The following COL25A1 variants were observed in gnomAD, a reference collection of about 807,000 sequenced individuals.
COL25A1 encodes the protein collagen alpha-1(XXV) chain.
In COL25A1, 103 loss-of-function variants were observed where a neutral mutation model predicts 128.4. That is an observed-to-expected ratio of 0.80 (90% CI 0.68 to 0.94). The LOEUF (loss-of-function observed/expected upper bound fraction) is 0.94, where lower values mean the gene tolerates loss of function less well. Among genes scored for constraint, COL25A1 ranks in the 40% least tolerant of loss-of-function variants. The pLI, the probability that COL25A1 is intolerant of heterozygous loss-of-function variation, is 0.00. For missense variants in COL25A1, 745 were observed against 840.0 expected (o/e 0.89, Z 1.40); for synonymous variants, 279 against 277.2 (o/e 1.01, Z -0.06).
intron 3 of COL25A1, among the ~76,000 whole-genome samples, chr4:109,188,932 A>G (rs893584643): frequency 2.0e-5 from 3 of 152,056 alleles, no homozygotes; most frequent in South Asian, 4.2e-4. Context: ...CGGTGGGGGT[A>G]GGGGGCAGGG....
intron 14 of COL25A1, among the ~76,000 whole-genome samples, chr4:108,900,571 CAAA>C (rs1398810303): frequency 8.5e-5 from 13 of 152,076 alleles, no homozygotes; most frequent in Non-Finnish European, 1.5e-5. Flanking sequence ...TTTTAAGAAA[CAAA>C]GAAGACTTGG....
chr4:108,955,590 C>G (rs1372235151), intron 8 of COL25A1, among the ~76,000 whole-genome samples: 3 of 151,856 alleles, frequency 2.0e-5, no homozygotes, highest in Admixed American at 2.0e-4. Flanking sequence ...AAAGTCAATC[C>G]AAGGATTAAC....
In COL25A1 at chr4:108,889,610, T is replaced by A. The variant is rs374092602; in HGVS notation, c.939+91A>T. 5.2e-4 allele frequency: 573 copies of A among 1,106,874 alleles called. 7 individuals are homozygous for A. In the South Asian group the frequency reaches 7.1e-3, roughly 14 times the overall value. 68.6% of individuals were successfully genotyped at this position (1,106,874 alleles called of 1,614,324 possible). A position where few individuals can be genotyped will look rare whatever the true frequency, so the allele number is the denominator to read the frequency against. The stretch of plus-strand genomic sequence containing the variant: ...GAGAATAAGAACAGAGTTATAACCA[T>A]CAAAGTTGCTAAAAAGGGAGAGAAA... On this transcript the variant is annotated intron_variant, in intron 17 of 37. Coordinates refer to ENST00000399132, the MANE Select transcript of COL25A1 (RefSeq NM_198721.4).
chr4:108,953,036 A>C (rs1435729988), intron 8 of COL25A1, among the ~76,000 whole-genome samples: 1 of 152,060 alleles, frequency 6.6e-6, no homozygotes, highest in Non-Finnish European at 1.5e-5. Flanking sequence ...TCATGGAAGA[A>C]GTAGATGCCT....
At chr4:109,029,943 A>G (rs1240482277) in intron 5 of COL25A1, among the ~76,000 whole-genome samples, 1 of 152,214 alleles carries the variant, frequency 6.6e-6, no homozygotes, top group African/African-American at 2.4e-5. Context: ...CAGGCACCTC[A>G]TAGATAAAGA....
intron 19 of COL25A1, among the ~76,000 whole-genome samples, chr4:108,873,722 A>C (rs948049217): frequency 6.6e-6 from 1 of 152,154 alleles, no homozygotes. Context: ...AAATTTTCTC[A>C]GTTGAATATG....
rs1742792722 is a variant in COL25A1, at chr4:108,901,108, T to C, written c.834+11A>G. On this transcript the variant is annotated intron_variant, in intron 14 of 37. Coordinates refer to ENST00000399132, the MANE Select transcript of COL25A1 (RefSeq NM_198721.4). ...TGTCAAATGATTCTGCTTGGCTTTATTTGTACTAACCTTAGGTCCTGGTAT... is the reference window on the plus strand; with the variant it reads ...TGTCAAATGATTCTGCTTGGCTTTACTTGTACTAACCTTAGGTCCTGGTAT... The C allele has an allele frequency of 6.2e-7, 1 of 1,605,524 alleles. No individual in the cohort carries two copies. Among genetic ancestry groups the C allele is most frequent in the South Asian group, 1.1e-5 (1 of 90,470 alleles).
intron 29 of COL25A1, 47 bp downstream of exon 29, chr4:108,845,142 T>C (rs1734934018): frequency 6.8e-7 from 1 of 1,471,468 alleles, no homozygotes. Context: ...CATGTCAGTG[T>C]GTGAGGAGGT....
At chr4:109,093,466 A>AACAAACAAAC (rs1560679565) in intron 3 of COL25A1, among the ~76,000 whole-genome samples, 2 of 150,956 alleles carry the variant, frequency 1.3e-5, no homozygotes, top group South Asian at 4.2e-4. Flanking sequence ...TGAAAAAAAA[A>AACAAACAAAC]AAAAAAAAAA....
intron 3 of COL25A1, among the ~76,000 whole-genome samples, chr4:109,277,106 G>C (rs1450806909): frequency 1.3e-5 from 2 of 152,128 alleles, no homozygotes; most frequent in Non-Finnish European, 2.9e-5. Flanking sequence ...GATTCAAATT[G>C]TGCATCATGT....
At chr4:109,156,345 AT>A (rs930994991) in intron 3 of COL25A1, among the ~76,000 whole-genome samples, 51 of 152,306 alleles carry the variant, frequency 3.3e-4, no homozygotes, top group African/African-American at 1.2e-3. Context: ...AGCCGGCTTG[AT>A]TTTTTTCCCC....
At position 108,852,832 on chromosome 4, in the gene COL25A1, C is replaced by T; in HGVS notation, c.1344+70G>A. On this transcript the variant is annotated intron_variant, in intron 25 of 37. Coordinates refer to ENST00000399132, the MANE Select transcript of COL25A1 (RefSeq NM_198721.4). Reference sequence around the variant, plus strand: ...ATAAAAACAATAGCTACATTAGTACCATTTTGGCTGGCATGCATCAACACC... The same window carrying T: ...ATAAAAACAATAGCTACATTAGTACTATTTTGGCTGGCATGCATCAACACC... 9.3e-6 allele frequency: 11 copies of T among 1,188,704 alleles called. No homozygotes were observed. The South Asian group carries it at 1.1e-4, about 12-fold the overall frequency. The allele number at this position is 1,188,704 out of a possible 1,614,324, so 73.6% of individuals were successfully genotyped here. A position where few individuals can be genotyped will look rare whatever the true frequency, so the allele number is the denominator to read the frequency against.
chr4:109,013,613 G>A (rs1359858815), intron 5 of COL25A1, among the ~76,000 whole-genome samples: 1 of 151,842 alleles, frequency 6.6e-6, no homozygotes, highest in African/African-American at 2.4e-5. Context: ...CCTGAGGCCA[G>A]CGAGACCACA....
chr4:109,080,530 T>C (rs1763749272), intron 3 of COL25A1, among the ~76,000 whole-genome samples: 1 of 152,144 alleles, frequency 6.6e-6, no homozygotes. Flanking sequence ...CTCCTCTATT[T>C]TTCTCACCTA....
chr4:109,099,374 C>A (rs1363132442), intron 3 of COL25A1, among the ~76,000 whole-genome samples: 8 of 152,006 alleles, frequency 5.3e-5, no homozygotes, highest in African/African-American at 1.4e-4. Flanking sequence ...AGACAAGAGG[C>A]AGTATATTTT....
intron 3 of COL25A1, among the ~76,000 whole-genome samples, chr4:109,216,122 G>A (rs926117235): frequency 3.9e-5 from 6 of 152,044 alleles, no homozygotes; most frequent in African/African-American, 1.4e-4. Context: ...TATGTTAAAT[G>A]TCACTTGTCT....
In COL25A1 at chr4:109,105,226, C is replaced by T. The variant is rs3113707; in HGVS notation, c.368-55047G>A. The stretch of plus-strand genomic sequence containing the variant: ...GTAGCTTACACACCTATAATACCAG[C>T]ACTTTGGGAGGCCGAGGCAGGTGGA... On this transcript the variant is annotated intron_variant, in intron 3 of 37. Coordinates refer to ENST00000399132, the MANE Select transcript of COL25A1 (RefSeq NM_198721.4). Among the ~76,000 whole-genome samples the T allele has an allele frequency of 6.6e-4, 101 of 152,274 alleles. 1 individual carries two copies. The highest frequency in any genetic ancestry group is 2.3e-3 in the African/African-American group (96 of 41,566).
chr4:109,040,224 C>CATGACCCA (rs1169497645), intron 5 of COL25A1, among the ~76,000 whole-genome samples: 1 of 152,044 alleles, frequency 6.6e-6, no homozygotes, highest in Non-Finnish European at 1.5e-5. Context: ...CATTATAGTC[C>CATGACCCA]ATGACCCAGT....
At chr4:109,139,749 T>C (rs1489557685) in intron 3 of COL25A1, among the ~76,000 whole-genome samples, 2 of 152,152 alleles carry the variant, frequency 1.3e-5, no homozygotes, top group Non-Finnish European at 2.9e-5. Context: ...TGTATACATG[T>C]GCCATGTTGG....
Sources: gnomAD v4.1 joint callset for allele counts (sites outside exome capture counted in the v4.1 genomes callset) on GRCh38, gnomAD v4.1.1 for gene constraint, MANE v1.5 for transcripts, NCBI Gene and HGNC (gene_info 2026-07-23, HGNC 2026-07-21) for gene names.